The following AGK variants were observed in gnomAD, a reference collection of about 807,000 sequenced individuals.
AGK encodes the protein acylglycerol kinase, mitochondrial.
AGK carries 52 observed loss-of-function variants against 66.4 expected under a neutral mutation model. The observed-to-expected ratio is 0.78, with a 90% CI of 0.63 to 0.99. The LOEUF (loss-of-function observed/expected upper bound fraction) is 0.99. Among genes scored for constraint, AGK ranks in the 50% least tolerant of loss-of-function variants. The probability of loss-of-function intolerance (pLI) is 0.00; values close to 1 mark genes in which losing one functional copy is unlikely to be tolerated. For missense variants in AGK, 451 were observed against 506.6 expected (o/e 0.89, Z 1.05); for synonymous variants, 182 against 181.1 (o/e 1.00, Z -0.04).
At chr7:141,616,904 C>A (rs1037301912) in intron 8 of AGK, among the ~76,000 whole-genome samples, 3 of 151,792 alleles carry the variant, frequency 2.0e-5, no homozygotes, top group African/African-American at 7.3e-5. Context: ...ACTACAGGCG[C>A]CCGCCACCAC....
At chr7:141,633,217 A>C (rs1432135851) in intron 9 of AGK, among the ~76,000 whole-genome samples, 1 of 152,098 alleles carries the variant, frequency 6.6e-6, no homozygotes, top group Non-Finnish European at 1.5e-5. Flanking sequence ...CTACAGGAAA[A>C]ATTCCATTTA....
At chr7:141,606,204 G>C (rs1796457356) in intron 5 of AGK, among the ~76,000 whole-genome samples, 1 of 152,164 alleles carries the variant, frequency 6.6e-6, no homozygotes, top group Non-Finnish European at 1.5e-5. Flanking sequence ...TGTGAAACAA[G>C]CCTAATCTTT....
At chr7:141,619,869 C>T (rs964956530) in intron 8 of AGK, among the ~76,000 whole-genome samples, 3 of 152,100 alleles carry the variant, frequency 2.0e-5, no homozygotes, top group Non-Finnish European at 2.9e-5. Flanking sequence ...GATATATGTC[C>T]GTACAAAAAC....
chr7:141,595,675 AT>A (rs1325498496), intron 3 of AGK, among the ~76,000 whole-genome samples: 1 of 151,998 alleles, frequency 6.6e-6, no homozygotes, highest in Admixed American at 6.6e-5. Context: ...CAAGACCCCA[AT>A]TTTTGCCCAT....
rs1044221244 is a variant in AGK, at chr7:141,593,710, T to C, written c.141+525T>C. The stretch of plus-strand genomic sequence containing the variant: ...GGCTAATTATAGCTGGATTATAATA[T>C]TTGTCCTTTCAAATATAAGACAGCA... On this transcript the variant is annotated intron_variant, in intron 3 of 15. Transcript: ENST00000649286. 1.7e-5 allele frequency: 4 copies of C among 231,134 alleles called. No homozygotes were observed. The South Asian group carries it at 5.2e-4, about 30-fold the overall frequency. The allele number at this position is 231,134 out of a possible 1,614,324, so 14.3% of individuals were successfully genotyped here. A position where few individuals can be genotyped will look rare whatever the true frequency, so the allele number is the denominator to read the frequency against.
At chr7:141,618,151 C>T (rs1796747221) in intron 8 of AGK, among the ~76,000 whole-genome samples, 1 of 152,114 alleles carries the variant, frequency 6.6e-6, no homozygotes, top group African/African-American at 2.4e-5. Flanking sequence ...GGATTTGATT[C>T]CTTAGGTGTT....
At chr7:141,568,664 C>G (rs940197627) in intron 2 of AGK, among the ~76,000 whole-genome samples, 2 of 151,972 alleles carry the variant, frequency 1.3e-5, no homozygotes, top group Non-Finnish European at 2.9e-5. Flanking sequence ...CTCCACCTCC[C>G]AGGTTCAAGC....
intron 2 of AGK, among the ~76,000 whole-genome samples, chr7:141,564,509 T>A (rs1258001128): frequency 6.6e-6 from 1 of 152,142 alleles, no homozygotes; most frequent in Non-Finnish European, 1.5e-5. Context: ...AGGTAACCAC[T>A]CCCATGATTC....
intron 9 of AGK, among the ~76,000 whole-genome samples, chr7:141,633,231 T>A (rs188397358): frequency 6.6e-6 from 1 of 152,312 alleles, no homozygotes; most frequent in African/African-American, 2.4e-5. Context: ...CCATTTAGAA[T>A]CCTGGTACCT....
chr7:141,597,413 A>G (rs977784519), intron 4 of AGK: 4 of 152,250 alleles, frequency 2.6e-5, no homozygotes, highest in African/African-American at 9.6e-5. Context: ...AGATGTAACT[A>G]TTATTCAATT....
intron 1 of AGK, 22 bp downstream of exon 1, chr7:141,551,456 CG>C (rs1562955196): frequency 6.5e-6 from 1 of 152,950 alleles, no homozygotes; most frequent in Non-Finnish European, 1.5e-5. Context: ...GGCGCCCAGG[CG>C]GGGAGCGCAG....
intron 1 of AGK, among the ~76,000 whole-genome samples, chr7:141,552,614 A>G (rs1383003382): frequency 2.6e-5 from 4 of 152,220 alleles, no homozygotes; most frequent in Non-Finnish European, 5.9e-5. Context: ...GATGAGATTC[A>G]GGACACACTG....
At chr7:141,589,924 T>C (rs184853078) in intron 2 of AGK, among the ~76,000 whole-genome samples, 4 of 152,204 alleles carry the variant, frequency 2.6e-5, no homozygotes, top group Admixed American at 6.5e-5. Flanking sequence ...ATATTCTGGC[T>C]CTCTCACAGG....
At chr7:141,568,138 G>A (rs1256838983) in intron 2 of AGK, among the ~76,000 whole-genome samples, 1 of 152,174 alleles carries the variant, frequency 6.6e-6, no homozygotes, top group African/African-American at 2.4e-5. Context: ...CAGTGGGAAG[G>A]GAGATGTGGA....
intron 2 of AGK, among the ~76,000 whole-genome samples, chr7:141,581,275 T>A (rs1795876847): frequency 6.6e-6 from 1 of 151,536 alleles, no homozygotes; most frequent in East Asian, 1.9e-4. Context: ...GAGGCTGGGA[T>A]GAAGGGTGTA....
At chr7:141,608,725 C>A (rs762398238) in intron 5 of AGK, among the ~76,000 whole-genome samples, 1 of 152,172 alleles carries the variant, frequency 6.6e-6, no homozygotes, top group Non-Finnish European at 1.5e-5. Flanking sequence ...GGTAGCTCAT[C>A]CACTTACTTG....
At chr7:141,576,684 G>A (rs1290608387) in intron 2 of AGK, among the ~76,000 whole-genome samples, 9 of 151,152 alleles carry the variant, frequency 6.0e-5, no homozygotes, top group African/African-American at 2.2e-4. Context: ...GAATAAGAGA[G>A]CTGAACATAC....
rs1391358223 is a variant in AGK, at chr7:141,598,507, C to T, written c.221+1866C>T. ...GGAGTTAATTCACTTCTTAAATCCCCAGTTTACTCATCTGTAAAATCAGAA... is the reference window on the plus strand; with the variant it reads ...GGAGTTAATTCACTTCTTAAATCCCTAGTTTACTCATCTGTAAAATCAGAA... On this transcript the variant is annotated intron_variant, in intron 4 of 15. Transcript: ENST00000649286. This position sits in a 1 kb window ranked among gnomAD's most constrained non-coding sequence, Gnocchi z 4.2. Among the ~76,000 whole-genome samples, 1 of 152,106 alleles carries T rather than the reference C, an allele frequency of 6.6e-6. No homozygotes were observed. The highest frequency in any genetic ancestry group is 1.5e-5 in the Non-Finnish European group (1 of 68,028).
chr7:141,627,967 C>T lies in AGK; in HGVS notation c.589-5934C>T, dbSNP rs1239533787. 2.6e-5 allele frequency among the ~76,000 whole-genome samples: 4 copies of T among 152,296 alleles called. No homozygotes were observed. In the East Asian group the frequency reaches 7.7e-4, roughly 29 times the overall value. On this transcript the variant is annotated intron_variant, in intron 9 of 15. Coordinates refer to ENST00000649286, the MANE Select transcript of AGK (RefSeq NM_018238.4). ...CACAATCTTGGCTCACTGCAACCTC[C>T]ACCTCCCAGGTTCAAGCCATTCTCC...
Sources: allele counts gnomAD v4.1 joint callset (sites outside exome capture counted in the v4.1 genomes callset), GRCh38; gene constraint gnomAD v4.1.1; non-coding constraint Gnocchi (gnomAD v3.1); transcripts MANE v1.5; gene names NCBI Gene and HGNC (gene_info 2026-07-23, HGNC 2026-07-21).